RUNX1T1: variants seen among roughly 807,000 people sequenced by gnomAD.
The protein encoded by RUNX1T1 is protein CBFA2T1.
A neutral mutation model predicts 62.8 loss-of-function variants in RUNX1T1; 4 were observed. The observed-to-expected ratio is 0.06, with a 90% CI of 0.03 to 0.15. RUNX1T1 has a LOEUF of 0.15. RUNX1T1 is among the 10% of genes least tolerant of loss of function. The pLI is 1.00. For synonymous variants in RUNX1T1, 291 were observed against 286.0 expected, an observed-to-expected ratio of 1.02 and a Z score of -0.18; for missense variants, 508 against 754.3, an observed-to-expected ratio of 0.67 and a Z score of 3.82.
intron 10 of RUNX1T1, 76 bp from the exon 12 acceptor site, chr8:91,960,593 G>T: frequency 6.8e-7 from 1 of 1,459,964 alleles, no homozygotes; most frequent in Non-Finnish European, 9.4e-7. Flanking sequence ...AATATGTTAG[G>T]CATCACTGTA....
In RUNX1T1 at chr8:92,099,400, G is replaced by A. The variant is rs1390983159; in HGVS notation, c.-86+180C>T. On this transcript the variant is annotated intron_variant, in intron 1 of 11. Coordinates refer to the RUNX1T1 transcript ENST00000265814. ...GCACTCTGCAAGCACATGGTTAAAA[G>A]CAACTCCATTCCATAATAAATAACT... is the stretch of plus-strand genomic sequence containing the variant. Among the ~76,000 whole-genome samples, 8 of 152,260 alleles carry A rather than the reference G, an allele frequency of 5.3e-5. No homozygotes were observed. The East Asian group carries it at 1.2e-3, about 22-fold the overall frequency.
chr8:91,960,335 G>A (rs369510178), exon 11 of RUNX1T1: 26 of 1,613,008 alleles, frequency 1.6e-5, no homozygotes, highest in South Asian at 4.4e-5. Context: ...TCCCAGCCCC[G>A]CTGTTGGGCG....
At chr8:92,059,316 CTATTAAAAAAAA>C (rs1392631933) in intron 1 of RUNX1T1, among the ~76,000 whole-genome samples, 5 of 151,780 alleles carry the variant, frequency 3.3e-5, no homozygotes, top group African/African-American at 1.2e-4. Flanking sequence ...TTAGATGCAT[CTATTAAAAAAAA>C]ATCCAAGTGC....
chr8:92,058,937 T>C (rs1246400991), intron 1 of RUNX1T1, among the ~76,000 whole-genome samples: 4 of 152,122 alleles, frequency 2.6e-5, no homozygotes, highest in African/African-American at 9.7e-5. Context: ...TAAACAATTA[T>C]CATTTTCAAT....
At chr8:92,082,307 A>G (rs1835398241) in intron 1 of RUNX1T1, among the ~76,000 whole-genome samples, 1 of 152,154 alleles carries the variant, frequency 6.6e-6, no homozygotes, top group South Asian at 2.1e-4. Flanking sequence ...GACCCTGTTC[A>G]TGTAGAAAAT....
intron 2 of RUNX1T1, among the ~76,000 whole-genome samples, chr8:92,074,405 C>G (rs1184690501): frequency 6.6e-6 from 1 of 152,098 alleles, no homozygotes; most frequent in East Asian, 1.9e-4. Flanking sequence ...GCAATATGTT[C>G]AAGCTTTAAA....
chr8:91,966,683 T>C (rs891882475), intron 10 of RUNX1T1, among the ~76,000 whole-genome samples: 3 of 152,140 alleles, frequency 2.0e-5, no homozygotes, highest in African/African-American at 7.2e-5. Flanking sequence ...GATGATCAGA[T>C]TCAGTAAATT....
intron 8 of RUNX1T1, among the ~76,000 whole-genome samples, chr8:91,977,635 AG>A (rs1814260970): frequency 6.6e-6 from 1 of 152,228 alleles, no homozygotes. Context: ...ACAACTTTTA[AG>A]GAGAAAAGAC....
intron 1 of RUNX1T1, 81 bp from the exon 2 acceptor site, chr8:92,076,218 C>T (rs1370014502): frequency 3.7e-6 from 4 of 1,071,388 alleles, no homozygotes; most frequent in South Asian, 3.2e-5. Flanking sequence ...TACATGATAA[C>T]ACTAGGCCAG....
intron 1 of RUNX1T1, among the ~76,000 whole-genome samples, chr8:92,035,013 G>A (rs1014516323): frequency 9.2e-5 from 14 of 152,056 alleles, no homozygotes; most frequent in Non-Finnish European, 1.9e-4. Context: ...GAATGGGATA[G>A]GCTGGTACAG....
intron 1 of RUNX1T1, among the ~76,000 whole-genome samples, chr8:92,032,762 A>G (rs899413455): frequency 1.3e-5 from 2 of 152,124 alleles, no homozygotes; most frequent in Admixed American, 6.5e-5. Flanking sequence ...TGGGTGACAG[A>G]GTGAGGCCCT....
intron 6 of RUNX1T1, among the ~76,000 whole-genome samples, chr8:91,987,755 T>A (rs1816869866): frequency 6.6e-6 from 1 of 152,122 alleles, no homozygotes; most frequent in African/African-American, 2.4e-5. Flanking sequence ...AGTAAATGTG[T>A]CTCACTAAAA....
chr8:92,099,630 A>T (rs1837950082), exon 1 of RUNX1T1: 1 of 985,454 alleles, frequency 1.0e-6, no homozygotes, highest in African/African-American at 1.7e-5. Context: ...TCACATGCAA[A>T]TCCTGCAGGT....
intron 1 of RUNX1T1, chr8:92,099,492 T>C (rs1431528281): frequency 4.0e-6 from 1 of 252,536 alleles, no homozygotes; most frequent in Non-Finnish European, 6.3e-6. Flanking sequence ...CACTATATGA[T>C]GAATAAGGTG....
In RUNX1T1 at chr8:91,981,018, A is replaced by G. The variant is rs144449842; in HGVS notation, c.1199-5045T>C. ...TGCACATCTAAATAACAGCTAAGAC[A>G]TAACACTTCTACTATGTGTCAGGCA... On this transcript the variant is annotated intron_variant, in intron 8 of 10. Coordinates refer to ENST00000396218, the Ensembl canonical transcript of RUNX1T1. Among the ~76,000 whole-genome samples, 28 of 152,290 alleles carry G rather than the reference A, an allele frequency of 1.8e-4. 1 individual carries two copies. In the East Asian group the frequency reaches 5.2e-3, roughly 28 times the overall value.
In RUNX1T1 at chr8:91,967,199, A is replaced by G. The variant is rs12681901; in HGVS notation, c.1458+3459T>C. On this transcript the variant is annotated intron_variant, in intron 10 of 10. Transcript: ENST00000396218. ...TGGTTCAGAGTTAAACACTCATCGT[A>G]GGTCGTCTTATTTCATCTCAGGCAA... 4.7e-4 allele frequency among the ~76,000 whole-genome samples: 71 copies of G among 152,288 alleles called. No individual in the cohort carries two copies. The East Asian group carries it at 0.014, about 29-fold the overall frequency.
exon 11 of RUNX1T1, chr8:91,959,840 A>G: frequency 3.6e-6 from 1 of 281,504 alleles, no homozygotes; most frequent in East Asian, 5.1e-5. Flanking sequence ...TGTGACTTTT[A>G]ATATTAGCAT....
intron 8 of RUNX1T1, among the ~76,000 whole-genome samples, chr8:91,980,953 T>C (rs770087604): frequency 6.6e-6 from 1 of 152,080 alleles, no homozygotes; most frequent in Non-Finnish European, 1.5e-5. Flanking sequence ...ATTATAGGCA[T>C]GAGACACTTC....
chr8:92,021,010 C>A (rs961602672), intron 1 of RUNX1T1, among the ~76,000 whole-genome samples: 3 of 152,020 alleles, frequency 2.0e-5, no homozygotes, highest in Non-Finnish European at 2.9e-5. Context: ...ACAACAACAA[C>A]AAAAAGGGAG....
Sources: allele counts gnomAD v4.1 joint callset (sites outside exome capture counted in the v4.1 genomes callset), GRCh38; gene constraint gnomAD v4.1.1; transcripts MANE v1.5; gene names NCBI Gene and HGNC (gene_info 2026-07-23, HGNC 2026-07-21).